MRTFA: variants seen among roughly 807,000 people sequenced by gnomAD.
MRTFA encodes myocardin-related transcription factor A.
In MRTFA, 20 loss-of-function variants were observed where a neutral mutation model predicts 83.5. The ratio of observed to expected loss-of-function variants is 0.24; its 90% CI spans 0.17 to 0.35. The LOEUF (loss-of-function observed/expected upper bound fraction) is 0.35. MRTFA is among the 10% of genes least tolerant of loss of function. The pLI, the probability that MRTFA is intolerant of heterozygous loss-of-function variation, is 1.00. For missense variants in MRTFA, 1,200 were observed against 1,224.7 expected, an observed-to-expected ratio of 0.98 and a Z score of 0.30; for synonymous variants, 659 against 541.2, an observed-to-expected ratio of 1.22 and a Z score of -3.02.
intron 4 of MRTFA, among the ~76,000 whole-genome samples, chr22:40,456,366 T>C (rs2053586827): frequency 6.6e-6 from 1 of 152,238 alleles, no homozygotes; most frequent in East Asian, 1.9e-4. Context: ...TCTGCACCTA[T>C]TCTGGTTCGG....
At chr22:40,626,750 A>G (rs1425643910) in intron 1 of MRTFA, among the ~76,000 whole-genome samples, 1 of 152,154 alleles carries the variant, frequency 6.6e-6, no homozygotes, top group African/African-American at 2.4e-5. Context: ...CTGTAGTCCC[A>G]ACACTTTGAG....
At chr22:40,426,172 G>A (rs1052294736) in intron 7 of MRTFA, among the ~76,000 whole-genome samples, 9 of 152,044 alleles carry the variant, frequency 5.9e-5, no homozygotes, top group East Asian at 1.9e-4. Flanking sequence ...GCCTCAGAAC[G>A]GTCCGCTCCC....
At chr22:40,575,737 T>C (rs1231043582) in intron 2 of MRTFA, among the ~76,000 whole-genome samples, 1 of 152,234 alleles carries the variant, frequency 6.6e-6, no homozygotes, top group Non-Finnish European at 1.5e-5. Context: ...CCAGGGTATA[T>C]GACCATAGGT....
intron 4 of MRTFA, among the ~76,000 whole-genome samples, chr22:40,437,312 C>G (rs762395333): frequency 3.3e-5 from 5 of 152,150 alleles, no homozygotes; most frequent in Non-Finnish European, 5.9e-5. Context: ...TGATGCATCA[C>G]ACGTAACCTT....
rs564706295 is a variant in MRTFA, at chr22:40,474,753, T to C, written c.242-11467A>G. On this transcript the variant is annotated intron_variant, in intron 3 of 14. Coordinates refer to ENST00000355630, the MANE Select transcript of MRTFA (RefSeq NM_020831.6). ...CATACATAAAGTAAGTTCTAATTTG[T>C]GTGAAGAGTATTTCCAAAGAAAACA... Among the ~76,000 whole-genome samples the C allele has an allele frequency of 3.9e-5, 6 of 152,370 alleles. No individual in the cohort carries two copies. In the South Asian group the frequency reaches 1.2e-3, roughly 32 times the overall value.
chr22:40,610,807 G>C (rs911280103), intron 1 of MRTFA, among the ~76,000 whole-genome samples: 2 of 150,614 alleles, frequency 1.3e-5, no homozygotes, highest in South Asian at 4.2e-4. Context: ...AAAAAGTCTT[G>C]GAGGGAAAAA....
intron 1 of MRTFA, among the ~76,000 whole-genome samples, chr22:40,598,804 T>C (rs1261840420): frequency 6.8e-6 from 1 of 147,796 alleles, no homozygotes; most frequent in Admixed American, 6.8e-5. Context: ...CTAACCAACA[T>C]GGAGAAATTC....
chr22:40,489,151 C>T (rs1288899805), intron 3 of MRTFA, among the ~76,000 whole-genome samples: 1 of 152,062 alleles, frequency 6.6e-6, no homozygotes, highest in Non-Finnish European at 1.5e-5. Flanking sequence ...AAGACACAAT[C>T]ATTTTCACTG....
chr22:40,528,426 C>T (rs543373167), intron 3 of MRTFA, among the ~76,000 whole-genome samples: 1 of 152,204 alleles, frequency 6.6e-6, no homozygotes, highest in African/African-American at 2.4e-5. Context: ...TTCTCTCAAA[C>T]TCTAAAATCC....
chr22:40,533,081 C>T (rs2055109615), intron 3 of MRTFA, among the ~76,000 whole-genome samples: 1 of 152,112 alleles, frequency 6.6e-6, no homozygotes, highest in African/African-American at 2.4e-5. Context: ...CAAACTTACC[C>T]ATCTCCAAAA....
At chr22:40,495,799 G>C (rs1282974761) in intron 3 of MRTFA, among the ~76,000 whole-genome samples, 1 of 150,306 alleles carries the variant, frequency 6.7e-6, no homozygotes, top group African/African-American at 2.4e-5. Flanking sequence ...GCTGGGTGCA[G>C]TGGCTCATGC....
chr22:40,617,167 AAGGAG>A (rs1442301433), intron 1 of MRTFA, among the ~76,000 whole-genome samples: 6 of 81,516 alleles, frequency 7.4e-5, no homozygotes, highest in East Asian at 6.0e-4. Context: ...GGAAGGAGGG[AAGGAG>A]GGAAGGAGGG....
intron 1 of MRTFA, among the ~76,000 whole-genome samples, chr22:40,600,928 T>C (rs533932299): frequency 6.6e-6 from 1 of 152,300 alleles, no homozygotes; most frequent in Admixed American, 6.5e-5. Flanking sequence ...TGAGCCAAGA[T>C]TGTGCCACTG....
In MRTFA at chr22:40,421,098, T is replaced by A. The variant is rs1410464281; in HGVS notation, c.930A>T (p.Gln310His). The change falls in exon 10 of 15, where the codon CAA becomes CAT. Residue 310 changes from glutamine to histidine, a missense_variant and splice_region_variant. Transcript: ENST00000355630. ...TCTCACTGGCAGACTTGGGTTGGCT[T>A]TGCTGAGGGCACAGGAGACAGGGTG... 2.6e-6 allele frequency: 4 copies of A among 1,529,782 alleles called. No individual in the cohort carries two copies. The highest frequency in any genetic ancestry group is 3.5e-6 in the Non-Finnish European group (4 of 1,136,862). The allele number at this position is 1,529,782 out of a possible 1,614,324, so 94.8% of individuals were successfully genotyped here. A position where few individuals can be genotyped will look rare whatever the true frequency, so the allele number is the denominator to read the frequency against.
intron 3 of MRTFA, among the ~76,000 whole-genome samples, chr22:40,511,244 C>T (rs2054662682): frequency 6.6e-6 from 1 of 151,942 alleles, no homozygotes; most frequent in East Asian, 1.9e-4. Context: ...ATCTAGAGAA[C>T]TCACAAGTCA....
chr22:40,417,053 G>C lies in MRTFA; in HGVS notation c.2518-7C>G. On this transcript the variant is annotated splice_polypyrimidine_tract_variant and splice_region_variant and intron_variant, in intron 13 of 14. Transcript: ENST00000355630. ...GGCTTGAGGAACCATTTTCCTGTGG[G>C]ACAAAGGAAAAAAAAAAAAGAGATA... is the stretch of plus-strand genomic sequence containing the variant. 1 of 1,580,716 alleles carries C rather than the reference G, an allele frequency of 6.3e-7. No homozygotes were observed. Among genetic ancestry groups the C allele is most frequent in the East Asian group, 2.3e-5 (1 of 44,026 alleles).
chr22:40,490,388 C>G (rs1471707924), intron 3 of MRTFA, among the ~76,000 whole-genome samples: 9 of 152,122 alleles, frequency 5.9e-5, no homozygotes, highest in Non-Finnish European at 1.5e-5. Context: ...ATCATGAGGT[C>G]AGGAGATCAA....
At chr22:40,445,191 A>G (rs2053352662) in intron 4 of MRTFA, among the ~76,000 whole-genome samples, 1 of 152,222 alleles carries the variant, frequency 6.6e-6, no homozygotes, top group South Asian at 2.1e-4. Flanking sequence ...TCAAACCTAC[A>G]GAAACACTGA....
intron 2 of MRTFA, among the ~76,000 whole-genome samples, chr22:40,555,061 A>G (rs2055500238): frequency 6.6e-6 from 1 of 152,170 alleles, no homozygotes; most frequent in Non-Finnish European, 1.5e-5. Flanking sequence ...CTGTATCCCC[A>G]TTGTATCTTG....
Sources: allele counts gnomAD v4.1 joint callset (sites outside exome capture counted in the v4.1 genomes callset), GRCh38; gene constraint gnomAD v4.1.1; transcripts MANE v1.5; gene names NCBI Gene and HGNC (gene_info 2026-07-23, HGNC 2026-07-21).